Variants in ZSWIM4 observed in about 807,000 individuals in gnomAD.
The protein encoded by ZSWIM4 is zinc finger SWIM-type containing 4.
ZSWIM4 carries 62 observed loss-of-function variants against 102.5 expected under a neutral mutation model. The ratio of observed to expected loss-of-function variants is 0.60; its 90% CI spans 0.49 to 0.75. The LOEUF is 0.75. Among genes scored for constraint, ZSWIM4 ranks in the 30% least tolerant of loss-of-function variants. The pLI is 0.00. For synonymous variants in ZSWIM4, 652 were observed against 674.5 expected, an observed-to-expected ratio of 0.97 and a Z score of 0.52; for missense variants, 1,280 against 1,529.6, an observed-to-expected ratio of 0.84 and a Z score of 2.72.
chr19:13,809,275 G>T lies in ZSWIM4; in HGVS notation c.1012+55G>T. The T allele has an allele frequency of 6.5e-7, 1 of 1,534,882 alleles. No individual in the cohort carries two copies. Among genetic ancestry groups the T allele is most frequent in the South Asian group, 1.2e-5 (1 of 82,202 alleles). ...CACCGGGACTTCGGCTCCCATGGGG[G>T]CTGGCCCACTCCAAGATTAGGGTCT... On this transcript the variant is annotated intron_variant, in intron 5 of 13. Transcript: ENST00000590508. This position sits in a 1 kb window ranked among gnomAD's most constrained non-coding sequence, Gnocchi z 4.2.
chr19:13,825,448 T>A lies in ZSWIM4; in HGVS notation c.2216-102T>A. The A allele has an allele frequency of 7.3e-7, 1 of 1,377,170 alleles. No homozygotes were observed. The highest frequency in any genetic ancestry group is 1.0e-6 in the Non-Finnish European group (1 of 989,294). The allele number at this position is 1,377,170 out of a possible 1,614,324, so 85.3% of individuals were successfully genotyped here. On this transcript the variant is annotated intron_variant, in intron 11 of 13. Coordinates refer to ENST00000590508, the MANE Select transcript of ZSWIM4 (RefSeq NM_001367834.3). The surrounding 1 kb of genome is among the most constrained non-coding windows in gnomAD (Gnocchi z 4.6). ...GTACACATCCCTCCACACTCACACA[T>A]GTGCCCCTGGGTGGAAGGATCTGTG...
At chr19:13,813,611 A>G (rs1219505168) in intron 6 of ZSWIM4, among the ~76,000 whole-genome samples, 2 of 151,676 alleles carry the variant, frequency 1.3e-5, no homozygotes, top group Non-Finnish European at 2.9e-5. Context: ...TTGAGGAGAG[A>G]GGGAAAAAAA....
chr19:13,830,320 G>C lies in ZSWIM4; in HGVS notation c.2591G>C (p.Arg864Pro). 1.9e-6 allele frequency: 3 copies of C among 1,613,552 alleles called. No homozygotes were observed. The highest frequency in any genetic ancestry group is 2.2e-5 in the East Asian group (1 of 44,876). Residue 864 changes from arginine to proline, a missense_variant, in exon 14 of 14, where the codon CGG (arginine) becomes CCG (proline). Transcript: ENST00000590508. ...TLLRLQLDTS[R>P]REELWACART... is the part of the protein sequence containing the mutation. The stretch of plus-strand genomic sequence containing the variant: ...CTGCGACTGCAGCTGGACACATCGC[G>C]GAGGGAGGAGCTCTGGGCCTGCGCC...
At chr19:13,817,083 A>C in intron 7 of ZSWIM4, 133 bp from the exon 8 acceptor site, 1 of 1,292,590 alleles carries the variant, frequency 7.7e-7, no homozygotes, top group Non-Finnish European at 1.0e-6. Context: ...AAAAAGTTGA[A>C]GGTGACCATT....
chr19:13,799,605 A>G (rs1599577102), intron 1 of ZSWIM4, 115 bp from the exon 2 acceptor site: 6 of 1,002,156 alleles, frequency 6.0e-6, no homozygotes, highest in Non-Finnish European at 9.4e-6. Context: ...GAGCCTCTCT[A>G]TGTTGCCCAG....
chr19:13,822,369 G>A (rs1975491290), intron 10 of ZSWIM4, among the ~76,000 whole-genome samples: 1 of 151,966 alleles, frequency 6.6e-6, no homozygotes, highest in Admixed American at 6.6e-5. Flanking sequence ...AGATAAGAAT[G>A]GTTTTTACAT....
intron 5 of ZSWIM4, among the ~76,000 whole-genome samples, chr19:13,811,550 C>T (rs1345190414): frequency 6.6e-6 from 1 of 151,950 alleles, no homozygotes; most frequent in African/African-American, 2.4e-5. Context: ...AAAAAAGGCG[C>T]TTGGCACAGT....
intron 12 of ZSWIM4, among the ~76,000 whole-genome samples, chr19:13,827,002 G>A (rs987504514): frequency 8.5e-5 from 13 of 152,104 alleles, no homozygotes; most frequent in Non-Finnish European, 1.6e-4. Context: ...ATAAGGAATA[G>A]GGCCGGGCAC....
intron 7 of ZSWIM4, 117 bp downstream of exon 7, chr19:13,814,982 C>A: frequency 3.9e-6 from 2 of 513,692 alleles, no homozygotes; most frequent in South Asian, 3.0e-5. Context: ...CATAGTGAGA[C>A]AATGTCTCTA....
At chr19:13,819,544 C>T (rs757942109) in intron 10 of ZSWIM4, 52 bp downstream of exon 10, 7 of 783,092 alleles carry the variant, frequency 8.9e-6, no homozygotes, top group South Asian at 1.5e-5. Flanking sequence ...GGAAGAGGGG[C>T]GGGCATGGGG....
Position 13,799,700 on chromosome 19 carries a change from C to T in ZSWIM4, c.154-20C>T, listed in dbSNP as rs367675863. 2.7e-5 allele frequency: 44 copies of T among 1,612,738 alleles called. No homozygotes were observed. The highest frequency in any genetic ancestry group is 3.5e-5 in the Non-Finnish European group (41 of 1,179,048). On this transcript the variant is annotated intron_variant, in intron 1 of 13. Coordinates refer to ENST00000590508, the MANE Select transcript of ZSWIM4 (RefSeq NM_001367834.3). ...GATTACATCAACCCCAGGCTCCTAA[C>T]CCACTGGCCCTTCCTACAGGTGGAG... is the stretch of plus-strand genomic sequence containing the variant.
Position 13,825,864 on chromosome 19 carries a change from A to T in ZSWIM4, c.2379+151A>T. 8.8e-7 allele frequency: 1 copy of T among 1,140,722 alleles called. No individual in the cohort carries two copies. The highest frequency in any genetic ancestry group is 2.7e-5 in the Admixed American group (1 of 37,430). 70.7% of individuals were successfully genotyped at this position (1,140,722 alleles called of 1,614,324 possible). The stretch of plus-strand genomic sequence containing the variant: ...GCTATTCCTCTGTGGCTGGGGACTG[A>T]GCGAGAACCACTCTTGGGGCGGGGA... On this transcript the variant is annotated intron_variant, in intron 12 of 13. Transcript: ENST00000590508. The surrounding 1 kb of genome is among the most constrained non-coding windows in gnomAD (Gnocchi z 4.6).
intron 13 of ZSWIM4, among the ~76,000 whole-genome samples, chr19:13,829,837 G>A (rs946187061): frequency 6.6e-6 from 1 of 151,370 alleles, no homozygotes; most frequent in African/African-American, 2.4e-5. Flanking sequence ...AAAAAAAAAA[G>A]GAAAGAGAAG....
At chr19:13,801,687 T>C (rs1475872082) in intron 2 of ZSWIM4, among the ~76,000 whole-genome samples, 1 of 145,896 alleles carries the variant, frequency 6.9e-6, no homozygotes, top group South Asian at 2.1e-4. Flanking sequence ...TTTTTTTTTT[T>C]CCGAGATGGA....
At chr19:13,829,625 C>A (rs1458141353) in intron 13 of ZSWIM4, among the ~76,000 whole-genome samples, 1 of 151,842 alleles carries the variant, frequency 6.6e-6, no homozygotes, top group African/African-American at 2.4e-5. Flanking sequence ...GAGATTGAGA[C>A]CATCCTGGCT....
rs776946679 is a variant in ZSWIM4, at chr19:13,830,996, G to C, written c.3267G>C (p.Gln1089His). Residue 1089 changes from glutamine to histidine, a missense_variant, in exon 14 of 14, where the codon CAG becomes CAC. Transcript: ENST00000590508. ...QFSQFLENLKQTYKGKKKLML... is the reference protein window; with the variant it reads ...QFSQFLENLKHTYKGKKKLML... The stretch of plus-strand genomic sequence containing the variant: ...CACAGTTCTTGGAGAACCTCAAACA[G>C]ACCTACAAGGGCAAGAAGAAACTCA... 6 of 1,611,386 alleles carry C rather than the reference G, an allele frequency of 3.7e-6. No individual in the cohort carries two copies. The East Asian group carries it at 8.9e-5, about 24-fold the overall frequency.
intron 12 of ZSWIM4, among the ~76,000 whole-genome samples, chr19:13,826,209 G>A (rs765083659): frequency 3.3e-5 from 5 of 152,096 alleles, no homozygotes; most frequent in Non-Finnish European, 7.4e-5. Flanking sequence ...TCACTGGAGC[G>A]GAGAGGCAGG....
chr19:13,802,862 A>G (rs1974811231), intron 2 of ZSWIM4, among the ~76,000 whole-genome samples: 1 of 152,140 alleles, frequency 6.6e-6, no homozygotes, highest in African/African-American at 2.4e-5. Flanking sequence ...TACAGGCGTG[A>G]CCCACCATGC....
At chr19:13,822,590 C>T (rs961572665) in intron 10 of ZSWIM4, among the ~76,000 whole-genome samples, 2 of 152,108 alleles carry the variant, frequency 1.3e-5, no homozygotes, top group African/African-American at 4.8e-5. Context: ...TGTCTGTAAT[C>T]CCAGCACTTT....
Sources: allele counts gnomAD v4.1 joint callset (sites outside exome capture counted in the v4.1 genomes callset), GRCh38; gene constraint gnomAD v4.1.1; non-coding constraint Gnocchi (gnomAD v3.1); transcripts MANE v1.5; gene names NCBI Gene and HGNC (gene_info 2026-07-23, HGNC 2026-07-21).